Variants in PDE3B observed in about 807,000 individuals in gnomAD.
PDE3B encodes phosphodiesterase 3B.
Under a neutral mutation model 116.8 loss-of-function variants are expected in PDE3B, and 66 were observed. The ratio of observed to expected loss-of-function variants is 0.56; its 90% CI spans 0.46 to 0.69. The LOEUF is 0.69. PDE3B is among the 30% of genes least tolerant of loss of function. The pLI is 0.00. For synonymous variants in PDE3B, 595 were observed against 533.6 expected, an observed-to-expected ratio of 1.12 and a Z score of -1.59; for missense variants, 1,384 against 1,368.1, an observed-to-expected ratio of 1.01 and a Z score of -0.18.
At chr11:14,701,997 T>C (rs1052660763) in intron 1 of PDE3B, among the ~76,000 whole-genome samples, 3 of 151,578 alleles carry the variant, frequency 2.0e-5, no homozygotes, top group African/African-American at 4.8e-5. Flanking sequence ...TTCATGTGTG[T>C]GTTTTTTTTT....
the PDE3B span, chr11:14,878,058 AT>A: frequency 1.3e-6 from 2 of 1,566,320 alleles, no homozygotes; most frequent in Non-Finnish European, 1.7e-6. Context: ...CATTGATTTG[AT>A]TAAACCAAGT....
chr11:14,732,133 G>A (rs1000970188), intron 1 of PDE3B, among the ~76,000 whole-genome samples: 4 of 152,178 alleles, frequency 2.6e-5, no homozygotes, highest in African/African-American at 9.7e-5. Context: ...AAGAGCGAAA[G>A]TCCAAGGCCC....
chr11:14,791,092 A>G (rs1050453522), intron 4 of PDE3B, among the ~76,000 whole-genome samples: 6 of 152,130 alleles, frequency 3.9e-5, no homozygotes, highest in Admixed American at 2.0e-4. Context: ...ATAAAGAGCC[A>G]TATGTGACTG....
intron 14 of PDE3B, among the ~76,000 whole-genome samples, chr11:14,866,737 T>A (rs1848054793): frequency 6.6e-6 from 1 of 152,340 alleles, no homozygotes; most frequent in African/African-American, 2.4e-5. Flanking sequence ...ACACTAGGAC[T>A]AAAATGTTAA....
At chr11:14,892,505 T>A in the PDE3B span, among the ~76,000 whole-genome samples, 1 of 152,286 alleles carries the variant, frequency 6.6e-6, no homozygotes, top group South Asian at 2.1e-4. Context: ...TGACGAGGTG[T>A]CAGGACGGCC....
intron 1 of PDE3B, among the ~76,000 whole-genome samples, chr11:14,665,585 T>C (rs1168004091): frequency 6.6e-6 from 1 of 152,174 alleles, no homozygotes; most frequent in Non-Finnish European, 1.5e-5. Context: ...GGATACAAAG[T>C]CAATGTACAA....
the PDE3B span, among the ~76,000 whole-genome samples, chr11:14,885,103 A>G: frequency 3.9e-5 from 6 of 152,138 alleles, no homozygotes; most frequent in African/African-American, 1.2e-4. Context: ...TTAAATTTTT[A>G]TTTGAAATTA....
At chr11:14,869,366 C>T (rs1032808931) in intron 15 of PDE3B, 95 bp from the exon 16 acceptor site, 18 of 849,180 alleles carry the variant, frequency 2.1e-5, no homozygotes, top group Non-Finnish European at 2.8e-5. Context: ...CTTTTATACT[C>T]CCAGTGCTTA....
chr11:14,728,043 A>G (rs1856360433), intron 1 of PDE3B, among the ~76,000 whole-genome samples: 1 of 152,104 alleles, frequency 6.6e-6, no homozygotes, highest in South Asian at 2.1e-4. Context: ...TATCTATTAT[A>G]GAAAGATCTA....
At chr11:14,739,779 C>T (rs751261994) in intron 1 of PDE3B, among the ~76,000 whole-genome samples, 7 of 152,122 alleles carry the variant, frequency 4.6e-5, no homozygotes, top group Non-Finnish European at 7.4e-5. Context: ...TACGTTCCAT[C>T]GACACCTAGC....
chr11:14,876,988 A>T (rs933847224), downstream of PDE3B, among the ~76,000 whole-genome samples: 1 of 152,160 alleles, frequency 6.6e-6, no homozygotes, highest in African/African-American at 2.4e-5. Context: ...ACTGTTCAAC[A>T]ACTAAGTCCA....
intron 2 of PDE3B, among the ~76,000 whole-genome samples, chr11:14,778,223 G>A (rs1031266508): frequency 3.0e-4 from 45 of 152,202 alleles, no homozygotes; most frequent in Non-Finnish European, 8.8e-5. Flanking sequence ...GGCCTCTGTA[G>A]ACTCCACCTC....
chr11:14,760,400 C>T (rs1262997264), intron 1 of PDE3B, among the ~76,000 whole-genome samples: 2 of 152,130 alleles, frequency 1.3e-5, no homozygotes, highest in East Asian at 3.8e-4. Flanking sequence ...ATGCTATAAT[C>T]AAAGTAGGAA....
At chr11:14,774,640 A>C (rs1183071932) in intron 2 of PDE3B, 1 of 152,240 alleles carries the variant, frequency 6.6e-6, no homozygotes, top group Non-Finnish European at 1.5e-5. Flanking sequence ...TTTCTGTTCA[A>C]CAATCAAGAT....
At chr11:14,649,868 A>C (rs1271801130) in intron 1 of PDE3B, among the ~76,000 whole-genome samples, 1 of 152,220 alleles carries the variant, frequency 6.6e-6, no homozygotes, top group East Asian at 1.9e-4. Flanking sequence ...TTTAAACAAA[A>C]GAAACTGAAA....
rs534073081 is a variant in PDE3B at position 14,648,996 on chromosome 11, A to G, written c.978+3943A>G. ...AGAACAAATTATAGCAGAATGGGCC[A>G]TATTTAAAAATAAAAGTTGACAAAC... On this transcript the variant is annotated intron_variant, in intron 1 of 15. Transcript: ENST00000282096. 2.6e-5 allele frequency among the ~76,000 whole-genome samples: 4 copies of G among 152,332 alleles called. No individual in the cohort carries two copies. In the East Asian group the frequency reaches 5.8e-4, roughly 22 times the overall value.
At chr11:14,737,757 T>A (rs574452597) in intron 1 of PDE3B, among the ~76,000 whole-genome samples, 34 of 1,966 alleles carry the variant, frequency 0.017, no homozygotes, top group Non-Finnish European at 0.03. Context: ...CCTAATGCTA[T>A]CCCTTCCCCC....
chr11:14,887,195 AAG>A, the PDE3B span: 1 of 152,210 alleles, frequency 6.6e-6, no homozygotes, highest in Non-Finnish European at 1.5e-5. Flanking sequence ...AGGATAGTAA[AAG>A]AGCCATGAAC....
At chr11:14,785,312 A>T (rs1224307308) in intron 2 of PDE3B, among the ~76,000 whole-genome samples, 1 of 152,120 alleles carries the variant, frequency 6.6e-6, no homozygotes, top group African/African-American at 2.4e-5. Context: ...GGCTAGAAAT[A>T]GTTGGGCTAT....
Sources: allele counts gnomAD v4.1 joint callset (sites outside exome capture counted in the v4.1 genomes callset), GRCh38; gene constraint gnomAD v4.1.1; transcripts MANE v1.5; gene names NCBI Gene and HGNC (gene_info 2026-07-23, HGNC 2026-07-21).